Variants in CATSPERE observed in about 807,000 individuals in gnomAD.
CATSPERE encodes catsper channel auxiliary subunit epsilon.
In CATSPERE, 93 loss-of-function variants were observed where a neutral mutation model predicts 114.1. The observed-to-expected ratio is 0.81, with a 90% CI of 0.69 to 0.97. The LOEUF is 0.97. Ranked by LOEUF, CATSPERE falls within the 50% of genes least tolerant of loss-of-function variation. CATSPERE has a pLI of 0.00. For missense variants in CATSPERE, 1,058 were observed against 1,131.6 expected (o/e 0.93, Z 0.93); for synonymous variants, 341 against 384.1 (o/e 0.89, Z 1.31).
At chr1:244,536,440 T>C (rs528342432) in intron 8 of CATSPERE, among the ~76,000 whole-genome samples, 1 of 152,338 alleles carries the variant, frequency 6.6e-6, no homozygotes, top group Non-Finnish European at 1.5e-5. Context: ...GTTCCCACCA[T>C]GAGGATGGGC....
Position 244,640,197 on chromosome 1 carries a change from C to A in CATSPERE, c.*116C>A. ...ATACTAAATATAAGCTCGTAGTAGG[C>A]ATCACCAAATTCAAGATCTGAAAAA... On this transcript the variant is annotated 3_prime_UTR_variant, in exon 22 of 22. Transcript: ENST00000366534. 2 of 438,428 alleles carry A rather than the reference C, an allele frequency of 4.6e-6. No individual in the cohort carries two copies. Among genetic ancestry groups the A allele is most frequent in the East Asian group, 4.0e-5 (1 of 25,244 alleles). The allele number at this position is 438,428 out of a possible 1,614,324, so 27.2% of individuals were successfully genotyped here.
At position 244,502,085 on chromosome 1, in the gene CATSPERE, C is replaced by CT. The variant is rs950787779; in HGVS notation, c.429+3016dup. Among the ~76,000 whole-genome samples the CT allele has an allele frequency of 2.7e-3, 397 of 148,790 alleles. 2 individuals are homozygous for CT. The highest frequency in any genetic ancestry group is 8.5e-3 in the African/African-American group (346 of 40,540). ...GATATCTGCCATAACCGAATCAGGG[C>CT]TTTTTTTTTTCACATGAGCAGATTG... On this transcript the variant is annotated intron_variant, in intron 7 of 21. Transcript: ENST00000366534.
chr1:244,497,232 A>C (rs1054507535), intron 6 of CATSPERE, among the ~76,000 whole-genome samples: 7 of 150,752 alleles, frequency 4.6e-5, no homozygotes, highest in Admixed American at 1.3e-4. Context: ...GATAATTTTT[A>C]CTCCATAAAG....
intron 5 of CATSPERE, among the ~76,000 whole-genome samples, chr1:244,480,549 T>G (rs1670094047): frequency 1.0e-5 from 1 of 99,768 alleles, no homozygotes; most frequent in African/African-American, 3.5e-5. Flanking sequence ...CCACATTTCC[T>G]TGGTTACAGT....
intron 12 of CATSPERE, among the ~76,000 whole-genome samples, chr1:244,582,459 A>G (rs1666331086): frequency 6.7e-6 from 1 of 150,254 alleles, no homozygotes; most frequent in East Asian, 2.0e-4. Flanking sequence ...CTAGAGTGTA[A>G]TGGCATGATC....
chr1:244,505,221 C>T (rs749076135), intron 7 of CATSPERE, among the ~76,000 whole-genome samples: 17 of 152,202 alleles, frequency 1.1e-4, no homozygotes, highest in African/African-American at 1.4e-4. Context: ...CAAGCTAATC[C>T]GGTATAATTC....
At chr1:244,482,630 A>G (rs1359534663) in intron 5 of CATSPERE, among the ~76,000 whole-genome samples, 2 of 152,076 alleles carry the variant, frequency 1.3e-5, no homozygotes, top group African/African-American at 2.4e-5. Context: ...AAACAAAATA[A>G]TAATAATTAA....
At chr1:244,463,353 A>G (rs1033598518) in intron 1 of CATSPERE, among the ~76,000 whole-genome samples, 2 of 152,018 alleles carry the variant, frequency 1.3e-5, no homozygotes, top group South Asian at 2.1e-4. Context: ...CATCGCAGCA[A>G]CATGGCAAAA....
intron 17 of CATSPERE, among the ~76,000 whole-genome samples, chr1:244,595,806 A>G (rs189544970): frequency 1.5e-3 from 227 of 152,188 alleles, no homozygotes; most frequent in East Asian, 7.2e-3. Flanking sequence ...GGTGGCGGGC[A>G]CCTGTAGTCC....
intron 10 of CATSPERE, among the ~76,000 whole-genome samples, chr1:244,563,199 A>G (rs190093486): frequency 1.3e-5 from 2 of 152,278 alleles, no homozygotes; most frequent in East Asian, 1.9e-4. Flanking sequence ...AGTATTTGCT[A>G]TTGTGAACTG....
chr1:244,588,508 T>C lies in CATSPERE; in HGVS notation c.2112T>C (p.Asp704=). The change falls in exon 14 of 22, where the codon GAT becomes GAC. Residue 704 remains aspartate (D), a synonymous_variant. Coordinates refer to ENST00000366534, the MANE Select transcript of CATSPERE (RefSeq NM_001130957.2). ...QKVFQIAVGC[D]DKKFIAIKGF... is the part of the protein sequence containing the mutation. Reference sequence around the variant, plus strand: ...TGTTCCAAATAGCTGTTGGCTGTGATGATAAAAAATTCATTGCAATTAAAG... The same window carrying C: ...TGTTCCAAATAGCTGTTGGCTGTGACGATAAAAAATTCATTGCAATTAAAG... 2 of 1,612,210 alleles carry C rather than the reference T, an allele frequency of 1.2e-6. No individual in the cohort carries two copies. Among genetic ancestry groups the C allele is most frequent in the Non-Finnish European group, 1.7e-6 (2 of 1,178,352 alleles).
At chr1:244,574,390 G>A (rs915936063) in intron 11 of CATSPERE, among the ~76,000 whole-genome samples, 1 of 152,122 alleles carries the variant, frequency 6.6e-6, no homozygotes, top group Non-Finnish European at 1.5e-5. Flanking sequence ...AAGTAAGGAG[G>A]CTTGAAGGCT....
chr1:244,568,799 G>C lies in CATSPERE; in HGVS notation c.1508-3531G>C, dbSNP rs1663988276. Reference sequence around the variant, plus strand: ...GGACTCCATAGGGGTGGGATCCACTGAGCTAGACCACTTGGCTCCCTGGCT... The same window carrying C: ...GGACTCCATAGGGGTGGGATCCACTCAGCTAGACCACTTGGCTCCCTGGCT... On this transcript the variant is annotated intron_variant, in intron 10 of 21. Coordinates refer to ENST00000366534, the MANE Select transcript of CATSPERE (RefSeq NM_001130957.2). The surrounding 1 kb of genome is among the most constrained non-coding windows in gnomAD (Gnocchi z 4.4). 6.6e-6 allele frequency among the ~76,000 whole-genome samples: 1 copy of C among 152,214 alleles called. No homozygotes were observed. Among genetic ancestry groups the C allele is most frequent in the African/African-American group, 2.4e-5 (1 of 41,456 alleles).
At chr1:244,488,069 C>T (rs921596458) in intron 5 of CATSPERE, among the ~76,000 whole-genome samples, 1 of 152,094 alleles carries the variant, frequency 6.6e-6, no homozygotes, top group Non-Finnish European at 1.5e-5. Context: ...CTTTCTCTGT[C>T]TCTCAAGAGT....
chr1:244,499,707 T>C (rs554773533), intron 7 of CATSPERE, among the ~76,000 whole-genome samples: 79 of 152,290 alleles, frequency 5.2e-4, no homozygotes, highest in African/African-American at 1.9e-3. Flanking sequence ...TATTCCATGG[T>C]ATATATGTGC....
intron 6 of CATSPERE, among the ~76,000 whole-genome samples, chr1:244,493,473 G>A (rs971172179): frequency 2.6e-5 from 4 of 152,112 alleles, no homozygotes; most frequent in Admixed American, 6.6e-5. Context: ...AGACTTACAT[G>A]TTAGACCTAA....
Position 244,568,315 on chromosome 1 carries a change from A to G in CATSPERE, c.1508-4015A>G, listed in dbSNP as rs965689758. Among the ~76,000 whole-genome samples the G allele has an allele frequency of 2.0e-5, 3 of 152,170 alleles. No homozygotes were observed. Among genetic ancestry groups the G allele is most frequent in the Admixed American group, 1.3e-4 (2 of 15,282 alleles). On this transcript the variant is annotated intron_variant, in intron 10 of 21. Coordinates refer to ENST00000366534, the MANE Select transcript of CATSPERE (RefSeq NM_001130957.2). The surrounding 1 kb of genome is among the most constrained non-coding windows in gnomAD (Gnocchi z 4.4). ...GAGGTGTCTTCCAGTCAGGAGACAC[A>G]GGGGTCAGGGACCCACTTGAGGAAG...
Position 244,633,161 on chromosome 1 carries a change from T to C in CATSPERE, c.2649-2328T>C, listed in dbSNP as rs1040887493. On this transcript the variant is annotated intron_variant, in intron 20 of 21. Coordinates refer to ENST00000366534, the MANE Select transcript of CATSPERE (RefSeq NM_001130957.2). This position sits in a 1 kb window ranked among gnomAD's most constrained non-coding sequence, Gnocchi z 4.1. ...CTAAACAGAGAAACAGACAAACCCC[T>C]AATTGCAGTTGGAGATTTCAACATT... Among the ~76,000 whole-genome samples, 10 of 152,196 alleles carry C rather than the reference T, an allele frequency of 6.6e-5. No individual in the cohort carries two copies. Among genetic ancestry groups the C allele is most frequent in the Admixed American group, 2.0e-4 (3 of 15,280 alleles).
chr1:244,620,978 T>C (rs994771168), intron 20 of CATSPERE, among the ~76,000 whole-genome samples: 1 of 140,354 alleles, frequency 7.1e-6, no homozygotes, highest in Non-Finnish European at 1.5e-5. Context: ...GATACATGCC[T>C]GAATCAATCT....
Sources: gnomAD v4.1 joint callset for allele counts (sites outside exome capture counted in the v4.1 genomes callset) on GRCh38, gnomAD v4.1.1 for gene constraint, Gnocchi (gnomAD v3.1) non-coding constraint, MANE v1.5 for transcripts, NCBI Gene and HGNC (gene_info 2026-07-23, HGNC 2026-07-21) for gene names.